The following BTBD16 variants were observed in gnomAD, a reference collection of about 807,000 sequenced individuals.
BTBD16 encodes BTB domain containing 16.
BTBD16 carries 66 observed loss-of-function variants against 67.4 expected under a neutral mutation model. The ratio of observed to expected loss-of-function variants is 0.98; its 90% CI spans 0.80 to 1.20. The LOEUF is 1.20. BTBD16 is among the 50% of genes most tolerant of loss of function. The pLI is 0.00. For synonymous variants in BTBD16, 242 were observed against 236.4 expected (o/e 1.02, Z -0.22); for missense variants, 634 against 616.0 (o/e 1.03, Z -0.31).
At chr10:122,333,038 G>A (rs986960) in intron 13 of BTBD16, 459,786 of 862,642 alleles carry the variant, frequency 0.53, 123,046 homozygotes, top group East Asian at 0.73. Context: ...GGAGTTGGTA[G>A]CTGTGCTCCA....
intron 9 of BTBD16, among the ~76,000 whole-genome samples, chr10:122,302,550 C>T (rs530956195): frequency 1.3e-5 from 2 of 152,308 alleles, no homozygotes; most frequent in East Asian, 3.9e-4. Context: ...CTCGAGGTCT[C>T]AGGAATTCCC....
At chr10:122,328,620 A>C in intron 10 of BTBD16, 1 of 338,844 alleles carries the variant, frequency 3.0e-6, no homozygotes, top group Non-Finnish European at 4.2e-6. Flanking sequence ...TGATTTACGG[A>C]AAAATAATCT....
chr10:122,287,186 G>A (rs1343461303), intron 5 of BTBD16, among the ~76,000 whole-genome samples: 1 of 152,176 alleles, frequency 6.6e-6, no homozygotes, highest in African/African-American at 2.4e-5. Flanking sequence ...CTTGGTGCTG[G>A]CTCATGAGCC....
At position 122,335,293 on chromosome 10, in the gene BTBD16, A is replaced by G. The variant is rs528468444; in HGVS notation, c.1263+314A>G. On this transcript the variant is annotated intron_variant, in intron 14 of 15. Coordinates refer to ENST00000260723, the MANE Select transcript of BTBD16 (RefSeq NM_144587.5). ...ACATGTGGAGCTCACTTCATCTTCAATTTATACATACAATTCAGTTATTCT... is the reference window on the plus strand; with the variant it reads ...ACATGTGGAGCTCACTTCATCTTCAGTTTATACATACAATTCAGTTATTCT... 3.4e-4 allele frequency among the ~76,000 whole-genome samples: 52 copies of G among 152,324 alleles called. No individual in the cohort carries two copies. In the South Asian group the frequency reaches 0.011, roughly 32 times the overall value.
intron 10 of BTBD16, among the ~76,000 whole-genome samples, chr10:122,315,630 T>C (rs1183926986): frequency 1.3e-5 from 2 of 152,326 alleles, no homozygotes; most frequent in African/African-American, 4.8e-5. Flanking sequence ...GTGAAGCCAT[T>C]TGGGCTTGAG....
chr10:122,321,353 T>C (rs1168286482), intron 10 of BTBD16, among the ~76,000 whole-genome samples: 1 of 152,208 alleles, frequency 6.6e-6, no homozygotes, highest in Non-Finnish European at 1.5e-5. Flanking sequence ...TGATTTATTT[T>C]CCTGTGGGTA....
At chr10:122,315,128 A>G (rs2096421664) in intron 10 of BTBD16, among the ~76,000 whole-genome samples, 1 of 152,164 alleles carries the variant, frequency 6.6e-6, no homozygotes, top group African/African-American at 2.4e-5. Context: ...ATTTTCTCAA[A>G]ATGATATATA....
intron 12 of BTBD16, among the ~76,000 whole-genome samples, chr10:122,331,730 T>G (rs964806031): frequency 1.3e-5 from 2 of 152,226 alleles, no homozygotes; most frequent in Admixed American, 1.3e-4. Flanking sequence ...GTGGTAGTTC[T>G]TATGTGTTTT....
At chr10:122,323,534 A>G (rs1590090638) in intron 10 of BTBD16, among the ~76,000 whole-genome samples, 1 of 152,306 alleles carries the variant, frequency 6.6e-6, no homozygotes, top group East Asian at 1.9e-4. Context: ...ATCAGGTGAA[A>G]TTGGTCAGTA....
chr10:122,288,090 T>C (rs780154934), intron 5 of BTBD16, among the ~76,000 whole-genome samples: 14 of 152,084 alleles, frequency 9.2e-5, no homozygotes, highest in Non-Finnish European at 1.9e-4. Flanking sequence ...TGCCAGGCAT[T>C]GTGCTAGGAG....
At chr10:122,292,432 A>C (rs143324324) in intron 7 of BTBD16, among the ~76,000 whole-genome samples, 311 of 152,348 alleles carry the variant, frequency 2.0e-3, no homozygotes, top group African/African-American at 7.1e-3. Flanking sequence ...AACTTGGCCA[A>C]GGCCACGCAG....
In BTBD16 at chr10:122,313,162, C is replaced by A. The variant is rs183383363; in HGVS notation, c.911+5854C>A. ...AAAGTGCTGGGATTACAGGCGTGAG[C>A]CACTGTGCCTGGCCTCATAATGCTC... On this transcript the variant is annotated intron_variant, in intron 10 of 15. Transcript: ENST00000260723. Among the ~76,000 whole-genome samples, 824 of 152,058 alleles carry A rather than the reference C, an allele frequency of 5.4e-3. 5 individuals carry two copies. The highest frequency in any genetic ancestry group is 0.018 in the African/African-American group (743 of 41,460).
intron 6 of BTBD16, 131 bp from the exon 7 acceptor site, chr10:122,290,949 C>A: frequency 1.5e-6 from 2 of 1,331,202 alleles, no homozygotes; most frequent in Non-Finnish European, 9.9e-7. Context: ...GTGCCTGCAT[C>A]CAGGTGAGAG....
intron 4 of BTBD16, among the ~76,000 whole-genome samples, chr10:122,284,210 A>C (rs901319278): frequency 1.1e-4 from 16 of 152,228 alleles, no homozygotes; most frequent in Non-Finnish European, 5.9e-5. Context: ...CCCAGCAGGA[A>C]GGCCCAGGCG....
chr10:122,313,883 C>A (rs2096418981), intron 10 of BTBD16, among the ~76,000 whole-genome samples: 1 of 152,158 alleles, frequency 6.6e-6, no homozygotes, highest in Admixed American at 6.5e-5. Context: ...ACATATACAT[C>A]ATTTTTAGTA....
chr10:122,326,893 A>G (rs563635037), intron 10 of BTBD16, among the ~76,000 whole-genome samples: 5 of 152,356 alleles, frequency 3.3e-5, no homozygotes, highest in Non-Finnish European at 2.9e-5. Context: ...GCGCAGTACC[A>G]GGGAAACCAT....
At chr10:122,287,173 A>G (rs1034768323) in intron 5 of BTBD16, among the ~76,000 whole-genome samples, 1 of 152,114 alleles carries the variant, frequency 6.6e-6, no homozygotes, top group African/African-American at 2.4e-5. Context: ...GAACTGCAAC[A>G]AGCTTGGTGC....
chr10:122,297,646 C>G, intron 7 of BTBD16, 122 bp from the exon 8 acceptor site: 2 of 1,048,842 alleles, frequency 1.9e-6, no homozygotes, highest in Admixed American at 4.0e-5. Context: ...ACCCCTAAAG[C>G]GAGGCTCCCT....
chr10:122,320,538 A>T (rs1384670404), intron 10 of BTBD16, among the ~76,000 whole-genome samples: 2 of 152,000 alleles, frequency 1.3e-5, no homozygotes, highest in Non-Finnish European at 2.9e-5. Context: ...TTATTGCTTT[A>T]GCTGCATCTC....
Sources: gnomAD v4.1 joint callset for allele counts (sites outside exome capture counted in the v4.1 genomes callset) on GRCh38, gnomAD v4.1.1 for gene constraint, MANE v1.5 for transcripts, NCBI Gene and HGNC (gene_info 2026-07-23, HGNC 2026-07-21) for gene names.